Variants in GSTCD observed in about 807,000 individuals in gnomAD.
GSTCD encodes the protein glutathione S-transferase C-terminal domain-containing protein.
A neutral mutation model predicts 68.3 loss-of-function variants in GSTCD; 44 were observed. The observed-to-expected ratio is 0.64, with a 90% confidence interval of 0.51 to 0.83. The LOEUF (loss-of-function observed/expected upper bound fraction) is 0.83, where lower values mean the gene tolerates loss of function less well. Among genes scored for constraint, GSTCD ranks in the 40% least tolerant of loss-of-function variants. The probability of loss-of-function intolerance (pLI) is 0.00; values close to 1 mark genes in which losing one functional copy is unlikely to be tolerated. For missense variants in GSTCD, 739 were observed against 735.9 expected, an observed-to-expected ratio of 1.00 and a Z score of -0.05; for synonymous variants, 273 against 255.2, an observed-to-expected ratio of 1.07 and a Z score of -0.67.
chr4:105,711,666 A>G (rs760290379), intron 1 of GSTCD, among the ~76,000 whole-genome samples: 5 of 152,196 alleles, frequency 3.3e-5, no homozygotes, highest in Non-Finnish European at 5.9e-5. Context: ...TATTGTCTCC[A>G]TTTTATTATA....
chr4:105,716,065 C>A (rs949733968), intron 1 of GSTCD, among the ~76,000 whole-genome samples: 1 of 152,114 alleles, frequency 6.6e-6, no homozygotes, highest in African/African-American at 2.4e-5. Flanking sequence ...GTATATTTAT[C>A]TCTGCTTTCA....
chr4:105,744,561 T>C (rs536125918), intron 5 of GSTCD, among the ~76,000 whole-genome samples: 17 of 152,348 alleles, frequency 1.1e-4, no homozygotes, highest in African/African-American at 4.1e-4. Context: ...TTTTATTAAG[T>C]GACTTATAAT....
At chr4:105,752,005 C>T (rs1304114135) in intron 5 of GSTCD, among the ~76,000 whole-genome samples, 3 of 152,120 alleles carry the variant, frequency 2.0e-5, no homozygotes, top group Non-Finnish European at 4.4e-5. Flanking sequence ...AAGTTTTATA[C>T]TTTAGAGTCC....
chr4:105,716,930 G>C (rs931951415), intron 1 of GSTCD, among the ~76,000 whole-genome samples: 2 of 152,126 alleles, frequency 1.3e-5, no homozygotes, highest in Non-Finnish European at 2.9e-5. Flanking sequence ...TTGGTTATGG[G>C]GGTGTGAAGG....
chr4:105,784,876 C>T (rs575604430), intron 5 of GSTCD, among the ~76,000 whole-genome samples: 1 of 152,286 alleles, frequency 6.6e-6, no homozygotes, highest in African/African-American at 2.4e-5. Context: ...TCTCATCACT[C>T]CTGGAGCACT....
chr4:105,833,957 G>T (rs1363078763), intron 8 of GSTCD, among the ~76,000 whole-genome samples: 1 of 152,158 alleles, frequency 6.6e-6, no homozygotes, highest in Non-Finnish European at 1.5e-5. Context: ...GGTACTACAT[G>T]ATATGATTCA....
chr4:105,760,199 G>T (rs774003082), intron 5 of GSTCD, among the ~76,000 whole-genome samples: 4 of 148,952 alleles, frequency 2.7e-5, no homozygotes, highest in South Asian at 2.1e-4. Context: ...GAGAATTCAA[G>T]TATAAAATAC....
At chr4:105,739,509 A>G (rs574506049) in intron 5 of GSTCD, among the ~76,000 whole-genome samples, 1 of 152,178 alleles carries the variant, frequency 6.6e-6, no homozygotes, top group South Asian at 2.1e-4. Flanking sequence ...TTGATGGGAG[A>G]CTTTTTATTA....
intron 1 of GSTCD, among the ~76,000 whole-genome samples, chr4:105,713,398 G>A (rs534778407): frequency 7.2e-5 from 11 of 152,280 alleles, no homozygotes; most frequent in Non-Finnish European, 1.5e-4. Flanking sequence ...AAGGATTACT[G>A]AAACCAGCAT....
Position 105,719,235 on chromosome 4 carries a change from A to G in GSTCD, c.602A>G (p.Lys201Arg). The change falls in exon 3 of 12, where the codon AAG becomes AGG. Residue 201 changes from lysine (K) to arginine (R), a missense_variant. Lys to Arg is a conservative substitution (Grantham distance 26, BLOSUM62 2). Coordinates refer to ENST00000515279, the MANE Select transcript of GSTCD (RefSeq NM_001370181.1). ...NDDKLRRQKL[K>R]QQKADGVGPP... is the part of the protein sequence containing the mutation. ...GATAAACTCCGCAGGCAGAAGCTCA[A>G]GCAACAGAAGGCTGATGGAGTTGGG... 3.1e-6 allele frequency: 5 copies of G among 1,614,156 alleles called. No individual in the cohort carries two copies. Among genetic ancestry groups the G allele is most frequent in the Non-Finnish European group, 4.2e-6 (5 of 1,180,014 alleles).
At chr4:105,753,236 T>C (rs931599148) in intron 5 of GSTCD, 1 of 152,030 alleles carries the variant, frequency 6.6e-6, no homozygotes, top group Non-Finnish European at 1.5e-5. Context: ...CCACTTTAAG[T>C]AGAACAAAAC....
chr4:105,734,919 A>T, intron 5 of GSTCD, among the ~76,000 whole-genome samples: 1 of 152,136 alleles, frequency 6.6e-6, no homozygotes, highest in Middle Eastern at 3.4e-3. Flanking sequence ...TCAGCTGCAG[A>T]TCTGTTGGAG....
intron 3 of GSTCD, among the ~76,000 whole-genome samples, chr4:105,724,388 ACTTT>A (rs1732964935): frequency 6.6e-6 from 1 of 151,754 alleles, no homozygotes; most frequent in Non-Finnish European, 1.5e-5. Context: ...TAAAAGTCTT[ACTTT>A]AAGTGCTGCT....
rs749951686 is a variant in GSTCD, at chr4:105,729,426, G to T, written c.1167G>T (p.Met389Ile). 6.2e-7 allele frequency: 1 copy of T among 1,609,538 alleles called. No homozygotes were observed. Among genetic ancestry groups the T allele is most frequent in the African/African-American group, 1.3e-5 (1 of 74,814 alleles). The stretch of plus-strand genomic sequence containing the variant: ...TCTAGGAAAAGGGCATTGAAGTGAT[G>T]TTTTCTCCCCACCCTTGCCCTACTT... The part of the protein sequence containing the change: ...AKLMEKGIEV[M>I]FSPHPCPTWT... The change falls in exon 5 of 12, where the codon ATG (methionine) becomes ATT (isoleucine). Residue 389 changes from methionine to isoleucine, a missense_variant. Met to Ile is a conservative substitution (Grantham distance 10). Coordinates refer to ENST00000515279, the MANE Select transcript of GSTCD (RefSeq NM_001370181.1).
chr4:105,732,558 G>C (rs1733287458), intron 5 of GSTCD, among the ~76,000 whole-genome samples: 1 of 151,832 alleles, frequency 6.6e-6, no homozygotes. Flanking sequence ...ATTTTTTATT[G>C]CATCTAGTTG....
intron 5 of GSTCD, among the ~76,000 whole-genome samples, chr4:105,819,347 C>G (rs1419717092): frequency 6.6e-6 from 1 of 151,808 alleles, no homozygotes; most frequent in Non-Finnish European, 1.5e-5. Context: ...AAAGGCCATT[C>G]TAATGTCTCA....
At chr4:105,719,638 T>C in intron 3 of GSTCD, 111 bp downstream of exon 3, 3 of 747,980 alleles carry the variant, frequency 4.0e-6, no homozygotes, top group East Asian at 2.6e-5. Flanking sequence ...AGGAAAGTTA[T>C]TAATATCTTT....
In GSTCD at chr4:105,794,968, G is replaced by A. The variant is rs999567773; in HGVS notation, c.1241-27986G>A. Among the ~76,000 whole-genome samples the A allele has an allele frequency of 4.3e-4, 65 of 151,430 alleles. 1 individual carries two copies. Among genetic ancestry groups the A allele is most frequent in the Middle Eastern group, 3.4e-3 (1 of 292 alleles). ...CAGCTCACTGCAACCTCCGCCTCCCGGGTTCAAGTGATTTTCCTGCCTCAG... is the reference window on the plus strand; with the variant it reads ...CAGCTCACTGCAACCTCCGCCTCCCAGGTTCAAGTGATTTTCCTGCCTCAG... On this transcript the variant is annotated intron_variant, in intron 5 of 11. Coordinates refer to ENST00000515279, the MANE Select transcript of GSTCD (RefSeq NM_001370181.1).
rs1418724251 is a variant in GSTCD, at chr4:105,712,968, A to C, written c.-22+3952A>C. On this transcript the variant is annotated intron_variant, in intron 1 of 11. Transcript: ENST00000515279. Reference sequence around the variant, plus strand: ...GTCAGATCATATTTAAAGCTATGGCACTGGAGATCACCCAGAACAGTGCTG... The same window carrying C: ...GTCAGATCATATTTAAAGCTATGGCCCTGGAGATCACCCAGAACAGTGCTG... Among the ~76,000 whole-genome samples the C allele has an allele frequency of 2.0e-5, 3 of 152,302 alleles. No individual in the cohort carries two copies. In the East Asian group the frequency reaches 5.8e-4, roughly 29 times the overall value.
Sources: allele counts gnomAD v4.1 joint callset (sites outside exome capture counted in the v4.1 genomes callset), GRCh38; gene constraint gnomAD v4.1.1; transcripts MANE v1.5; gene names NCBI Gene and HGNC (gene_info 2026-07-23, HGNC 2026-07-21).